The following STPG2 variants were observed in gnomAD, a reference collection of about 807,000 sequenced individuals.
STPG2 encodes sperm tail PG-rich repeat containing 2, also known as sperm-tail PG-rich repeat-containing protein 2.
A neutral mutation model predicts 54.2 loss-of-function variants in STPG2; 56 were observed. That is an observed-to-expected ratio of 1.03 (90% CI 0.83 to 1.29). STPG2 has a LOEUF of 1.29. STPG2 is among the 50% of genes most tolerant of loss of function. STPG2 has a pLI of 0.00. For missense variants in STPG2, 596 were observed against 544.9 expected, an observed-to-expected ratio of 1.09 and a Z score of -0.93; for synonymous variants, 200 against 181.8, an observed-to-expected ratio of 1.10 and a Z score of -0.81.
intron 9 of STPG2, among the ~76,000 whole-genome samples, chr4:97,726,597 T>G (rs553582333): frequency 6.6e-6 from 1 of 152,106 alleles, no homozygotes; most frequent in South Asian, 2.1e-4. Flanking sequence ...TATGCCAAAA[T>G]ATTCTACTTT....
At chr4:97,796,950 G>A (rs371837679) in intron 9 of STPG2, among the ~76,000 whole-genome samples, 1 of 151,802 alleles carries the variant, frequency 6.6e-6, no homozygotes, top group Non-Finnish European at 1.5e-5. Flanking sequence ...TTATTCTCTT[G>A]GAAGCAATTG....
intron 5 of STPG2, among the ~76,000 whole-genome samples, chr4:98,036,539 A>G (rs1319531767): frequency 6.6e-6 from 1 of 152,104 alleles, no homozygotes; most frequent in Non-Finnish European, 1.5e-5. Flanking sequence ...CATTATTCTC[A>G]GCAAACTAAC....
At position 97,454,242 on chromosome 4, in the gene STPG2, G is replaced by A. The variant is rs143598565; in HGVS notation, c.462+258457C>T. Among the ~76,000 whole-genome samples, 79 of 152,056 alleles carry A rather than the reference G, an allele frequency of 5.2e-4. No homozygotes were observed. The East Asian group carries it at 0.014, about 27-fold the overall frequency. On this transcript the variant is annotated intron_variant, in intron 4 of 4. Coordinates refer to the STPG2 transcript ENST00000522676. ...AACAGAAAAGGGATTCGCCGGGCACGGTGGCTAACGCCTGTAATCCCAGCA... is the reference window on the plus strand; with the variant it reads ...AACAGAAAAGGGATTCGCCGGGCACAGTGGCTAACGCCTGTAATCCCAGCA...
chr4:98,106,034 G>T lies in STPG2; in HGVS notation c.531C>A (p.Asn177Lys). 6.7e-7 allele frequency: 1 copy of T among 1,488,378 alleles called. No individual in the cohort carries two copies. Among genetic ancestry groups the T allele is most frequent in the Non-Finnish European group, 9.2e-7 (1 of 1,090,918 alleles). 92.2% of individuals were successfully genotyped at this position (1,488,378 alleles called of 1,614,324 possible). A position where few individuals can be genotyped will look rare whatever the true frequency, so the allele number is the denominator to read the frequency against. The change falls in exon 5 of 11, where the codon AAC (asparagine) becomes AAA (lysine). Residue 177 changes from asparagine to lysine, a missense_variant. Coordinates refer to ENST00000295268, the MANE Select transcript of STPG2 (RefSeq NM_174952.3). Reference protein sequence around the residue: ...QKKTSYYENVNIKRDQQQNYC... With the variant: ...QKKTSYYENVKIKRDQQQNYC... ...AATTTTGTTGTTGATCTCTCTTGAT[G>T]TTAACATTTTCATAATATGATGTCT... is the stretch of plus-strand genomic sequence containing the variant.
chr4:98,076,243 CAAA>C (rs35410084), intron 5 of STPG2, among the ~76,000 whole-genome samples: 4 of 127,164 alleles, frequency 3.1e-5, no homozygotes, highest in Non-Finnish European at 5.0e-5. Flanking sequence ...GACTCTGTCT[CAAA>C]AAAAAAAAAA....
At chr4:97,575,622 A>G (rs1454323715) in intron 10 of STPG2, among the ~76,000 whole-genome samples, 1 of 152,016 alleles carries the variant, frequency 6.6e-6, no homozygotes, top group Admixed American at 6.6e-5. Context: ...GGAACACATA[A>G]TAAGAGCCAT....
At chr4:97,675,406 T>A (rs1048290403) in intron 10 of STPG2, among the ~76,000 whole-genome samples, 1 of 152,122 alleles carries the variant, frequency 6.6e-6, no homozygotes, top group Non-Finnish European at 1.5e-5. Context: ...CAAGGCCTGC[T>A]ACATTTATGA....
chr4:98,038,546 C>G (rs972215878), intron 5 of STPG2, among the ~76,000 whole-genome samples: 4 of 151,780 alleles, frequency 2.6e-5, no homozygotes, highest in Non-Finnish European at 5.9e-5. Context: ...AATCTCACAT[C>G]CCATGCACAC....
intron 9 of STPG2, among the ~76,000 whole-genome samples, chr4:97,797,787 G>A (rs1016078511): frequency 6.6e-6 from 1 of 152,126 alleles, no homozygotes; most frequent in African/African-American, 2.4e-5. Context: ...TGTACCTTTG[G>A]TAGAATTCGG....
At chr4:98,033,711 T>C (rs546888112) in intron 5 of STPG2, among the ~76,000 whole-genome samples, 2 of 152,302 alleles carry the variant, frequency 1.3e-5, no homozygotes, top group South Asian at 4.1e-4. Context: ...AATAAAATAC[T>C]GGCAAACCGA....
chr4:98,012,919 C>T (rs535338811), intron 5 of STPG2, among the ~76,000 whole-genome samples: 1 of 152,190 alleles, frequency 6.6e-6, no homozygotes, highest in Non-Finnish European at 1.5e-5. Context: ...GACTTTCTCT[C>T]TTCCTATCTG....
chr4:97,899,940 G>A (rs534877815), intron 8 of STPG2, among the ~76,000 whole-genome samples: 3 of 150,082 alleles, frequency 2.0e-5, no homozygotes, highest in East Asian at 2.0e-4. Flanking sequence ...GATACTGAAA[G>A]CAATCACAAC....
chr4:97,813,680 A>T (rs1171009785), intron 9 of STPG2, among the ~76,000 whole-genome samples: 1 of 31,396 alleles, frequency 3.2e-5, no homozygotes, highest in Admixed American at 3.2e-4. Flanking sequence ...TGTCTCTTAA[A>T]AAAAAAAAAA....
Position 97,951,032 on chromosome 4 carries a change from G to A in STPG2, c.934-7025C>T, listed in dbSNP as rs180736884. Among the ~76,000 whole-genome samples, 663 of 152,172 alleles carry A rather than the reference G, an allele frequency of 4.4e-3. 3 individuals are homozygous for A. Among genetic ancestry groups the A allele is most frequent in the South Asian group, 0.024 (117 of 4,822 alleles). ...GACCCTGCACTTGATGAATCAGCTG[G>A]CACCATCCAGATCAACTAACTGGTT... On this transcript the variant is annotated intron_variant, in intron 7 of 10. Coordinates refer to ENST00000295268, the MANE Select transcript of STPG2 (RefSeq NM_174952.3).
At chr4:97,907,649 G>C (rs1043406592) in intron 8 of STPG2, among the ~76,000 whole-genome samples, 1 of 152,138 alleles carries the variant, frequency 6.6e-6, no homozygotes, top group Non-Finnish European at 1.5e-5. Context: ...AAAACAGCAT[G>C]GTACTGGTAC....
At chr4:97,691,968 CT>C (rs1472494581) in intron 10 of STPG2, among the ~76,000 whole-genome samples, 1 of 152,142 alleles carries the variant, frequency 6.6e-6, no homozygotes, top group Non-Finnish European at 1.5e-5. Flanking sequence ...AGCCCCATCC[CT>C]GGGGAAAGGA....
intron 10 of STPG2, among the ~76,000 whole-genome samples, chr4:97,665,748 C>A (rs1156900945): frequency 6.6e-6 from 1 of 152,112 alleles, no homozygotes; most frequent in African/African-American, 2.4e-5. Flanking sequence ...TGCAGACCAG[C>A]ACCAAGCTGC....
intron 4 of STPG2, among the ~76,000 whole-genome samples, chr4:97,546,629 A>C (rs1248762724): frequency 6.6e-6 from 1 of 152,184 alleles, no homozygotes; most frequent in Non-Finnish European, 1.5e-5. Flanking sequence ...CAACCTGACA[A>C]GCAGAATGGA....
At chr4:97,762,633 G>T (rs1725923022) in intron 9 of STPG2, among the ~76,000 whole-genome samples, 1 of 152,158 alleles carries the variant, frequency 6.6e-6, no homozygotes, top group African/African-American at 2.4e-5. Context: ...CAATGGAAAA[G>T]AAAATCAAAG....
Sources: gnomAD v4.1 joint callset for allele counts (sites outside exome capture counted in the v4.1 genomes callset) on GRCh38, gnomAD v4.1.1 for gene constraint, MANE v1.5 for transcripts, NCBI Gene and HGNC (gene_info 2026-07-23, HGNC 2026-07-21) for gene names.